The following HENMT1 variants were observed in gnomAD, a reference collection of about 807,000 sequenced individuals.
The protein encoded by HENMT1 is HEN methyltransferase 1, also known as small RNA 2'-O-methyltransferase.
A neutral mutation model predicts 31.1 loss-of-function variants in HENMT1; 27 were observed. The observed-to-expected ratio is 0.87, with a 90% CI of 0.64 to 1.20. The LOEUF (loss-of-function observed/expected upper bound fraction) is 1.20, where lower values mean the gene tolerates loss of function less well. HENMT1 is among the 50% of genes most tolerant of loss of function. The pLI is 0.00. For synonymous variants in HENMT1, 167 were observed against 172.2 expected, an observed-to-expected ratio of 0.97 and a Z score of 0.24; for missense variants, 438 against 469.6, an observed-to-expected ratio of 0.93 and a Z score of 0.62.
At chr1:108,650,663 C>T (rs1178793330) in intron 6 of HENMT1, among the ~76,000 whole-genome samples, 3 of 152,164 alleles carry the variant, frequency 2.0e-5, no homozygotes, top group African/African-American at 7.2e-5. Flanking sequence ...AAGTGCTCAA[C>T]CCAACTACCC....
Position 108,654,329 on chromosome 1 carries a change from C to T in HENMT1, c.398+387G>A, listed in dbSNP as rs2100998785. On this transcript the variant is annotated intron_variant, in intron 5 of 7. Transcript: ENST00000651461. The stretch of plus-strand genomic sequence containing the variant: ...AAGTCAAGTAGTGTGAGGCCTCCAA[C>T]TTTTAAACTGAATTTTTTAGTAGAG... 1.3e-5 allele frequency among the ~76,000 whole-genome samples: 2 copies of T among 152,138 alleles called. 1 individual carries two copies. Among genetic ancestry groups the T allele is most frequent in the Non-Finnish European group, 2.9e-5 (2 of 68,010 alleles).
At position 108,658,056 on chromosome 1, in the gene HENMT1, CACACAT is replaced by C. The variant is rs1424755822; in HGVS notation, c.22-483_22-478del. Among the ~76,000 whole-genome samples the C allele has an allele frequency of 4.7e-3, 636 of 135,798 alleles. 3 individuals are homozygous for C. Among genetic ancestry groups the C allele is most frequent in the African/African-American group, 0.017 (594 of 34,926 alleles). The allele number at this position is 135,798 out of a possible 152,430, so 89.1% of individuals were successfully genotyped here. On this transcript the variant is annotated intron_variant, in intron 2 of 7. Coordinates refer to ENST00000651461, the MANE Select transcript of HENMT1 (RefSeq NM_001102592.2). ...ACACACACATATATATACACACACACACACATATATATGTACACACACACACACACA... is the reference window on the plus strand; with the variant it reads ...ACACACACATATATATACACACACACATATATGTACACACACACACACACA...
intron 7 of HENMT1, 168 bp downstream of exon 7, chr1:108,650,043 G>A (rs532833333): frequency 2.8e-5 from 20 of 712,908 alleles, no homozygotes; most frequent in Middle Eastern, 2.3e-4. Context: ...AAAGGACACC[G>A]TAGGCTAACT....
intron 2 of HENMT1, among the ~76,000 whole-genome samples, chr1:108,657,973 A>G: frequency 6.9e-6 from 1 of 145,250 alleles, no homozygotes; most frequent in East Asian, 2.0e-4. Context: ...CTATATATAT[A>G]TACACACACA....
chr1:108,655,091 T>C (rs1477513782), intron 4 of HENMT1, among the ~76,000 whole-genome samples: 2 of 152,236 alleles, frequency 1.3e-5, no homozygotes, highest in Non-Finnish European at 2.9e-5. Context: ...TTGTTTTCAT[T>C]TGTAATACTT....
chr1:108,657,656 A>C (rs964776308), intron 2 of HENMT1, 77 bp from the exon 3 acceptor site: 12 of 1,434,514 alleles, frequency 8.4e-6, no homozygotes, highest in Non-Finnish European at 1.1e-5. Context: ...CAAAAAAAAA[A>C]AAACTTTATT....
chr1:108,655,341 G>T (rs1570635917), intron 4 of HENMT1, among the ~76,000 whole-genome samples: 1 of 152,110 alleles, frequency 6.6e-6, no homozygotes, highest in East Asian at 1.9e-4. Context: ...ATGAGATTTT[G>T]CTATCTGAAT....
chr1:108,648,346 C>A lies in HENMT1; in HGVS notation c.*220G>T. ...TTATTCTTGAGAAAACAAAAAAGTC[C>A]AAAATCAAAGGAAAGCACCCGTTTT... On this transcript the variant is annotated 3_prime_UTR_variant, in exon 8 of 8. Transcript: ENST00000651461. The A allele has an allele frequency of 5.7e-6, 3 of 526,814 alleles. No homozygotes were observed. Among genetic ancestry groups the A allele is most frequent in the South Asian group, 5.4e-5 (2 of 37,012 alleles). The allele number at this position is 526,814 out of a possible 1,614,324, so 32.6% of individuals were successfully genotyped here. A position where few individuals can be genotyped will look rare whatever the true frequency, so the allele number is the denominator to read the frequency against.
intron 5 of HENMT1, among the ~76,000 whole-genome samples, chr1:108,654,373 ACC>A: frequency 6.6e-6 from 1 of 152,200 alleles, no homozygotes; most frequent in Admixed American, 6.5e-5. Context: ...CCATGTGTAT[ACC>A]CTTAATTGAT....
rs1208833938 is a variant in HENMT1 at position 108,651,093 on chromosome 1, G to A, written c.515C>T (p.Pro172Leu). ...TPNSEFNPLF[P>L]SVTLRDSDHK... is the part of the protein sequence containing the mutation. ...ATCTGAATCTCTTAAGGTCACTGATGGAAACAGGGGATTGAATTCAGAGTT... is the reference window on the plus strand; with the variant it reads ...ATCTGAATCTCTTAAGGTCACTGATAGAAACAGGGGATTGAATTCAGAGTT... Residue 172 changes from proline to leucine, a missense_variant, in exon 6 of 8, where the codon CCA becomes CTA. Pro to Leu is a moderately conservative substitution (Grantham distance 98). Transcript: ENST00000651461. 6.2e-7 allele frequency: 1 copy of A among 1,613,778 alleles called. No individual in the cohort carries two copies. Among genetic ancestry groups the A allele is most frequent in the Non-Finnish European group, 8.5e-7 (1 of 1,179,788 alleles).
At position 108,648,560 on chromosome 1, in the gene HENMT1, C is replaced by T. The variant is rs775881833; in HGVS notation, c.*6G>A. 1 of 1,606,088 alleles carries T rather than the reference C, an allele frequency of 6.2e-7. No individual in the cohort carries two copies. Among genetic ancestry groups the T allele is most frequent in the Non-Finnish European group, 8.5e-7 (1 of 1,173,890 alleles). On this transcript the variant is annotated 3_prime_UTR_variant, in exon 8 of 8. Coordinates refer to ENST00000651461, the MANE Select transcript of HENMT1 (RefSeq NM_001102592.2). ...AGACCCTGAAATTTCAGGAAATAAA[C>T]ATGGTTCAAAACTCAAACTGTTCAT...
chr1:108,660,787 A>G (rs1274585650), intron 1 of HENMT1, among the ~76,000 whole-genome samples, 176 bp downstream of exon 1: 2 of 151,150 alleles, frequency 1.3e-5, no homozygotes, highest in African/African-American at 2.4e-5. Flanking sequence ...AGCCGGGCGT[A>G]GTGGCGGGCG....
chr1:108,659,756 G>C, intron 2 of HENMT1, 108 bp downstream of exon 2: 1 of 679,680 alleles, frequency 1.5e-6, no homozygotes, highest in Non-Finnish European at 2.6e-6. Context: ...CAACACCCCG[G>C]GAAATGCTAG....
At chr1:108,654,919 T>G in intron 4 of HENMT1, 69 bp from the exon 5 acceptor site, 1 of 1,459,304 alleles carries the variant, frequency 6.9e-7, no homozygotes, top group East Asian at 2.4e-5. Context: ...GCTACAGAAC[T>G]CAGATCCTCT....
intron 1 of HENMT1, among the ~76,000 whole-genome samples, 157 bp from the exon 2 acceptor site, chr1:108,660,119 C>T (rs1221561601): frequency 1.9e-5 from 1 of 52,968 alleles, no homozygotes; most frequent in Non-Finnish European, 3.8e-5. Flanking sequence ...CCTCTGAGTA[C>T]TCAAAAAAAA....
intron 3 of HENMT1, 62 bp from the exon 4 acceptor site, chr1:108,655,760 C>G (rs1454079396): frequency 1.8e-6 from 2 of 1,084,782 alleles, no homozygotes; most frequent in African/African-American, 3.2e-5. Flanking sequence ...TGATCAAAAA[C>G]TTTTTTTTGA....
At chr1:108,660,287 CG>C (rs1658410836) in intron 1 of HENMT1, among the ~76,000 whole-genome samples, 2 of 152,212 alleles carry the variant, frequency 1.3e-5, no homozygotes, top group African/African-American at 2.4e-5. Context: ...GCTCAGAAAG[CG>C]TAACTTTTCA....
chr1:108,650,151 A>G (rs1421919104), intron 7 of HENMT1, 60 bp downstream of exon 7: 3 of 1,508,858 alleles, frequency 2.0e-6, no homozygotes, highest in Non-Finnish European at 2.8e-6. Flanking sequence ...TACTCCCCAA[A>G]AAAGTTCACC....
At chr1:108,651,726 A>G (rs1006658024) in intron 5 of HENMT1, among the ~76,000 whole-genome samples, 7 of 150,542 alleles carry the variant, frequency 4.6e-5, no homozygotes, top group Non-Finnish European at 8.9e-5. Flanking sequence ...AAGAAAGAGA[A>G]AGAGAGAGAA....
Sources: gnomAD v4.1 joint callset for allele counts (sites outside exome capture counted in the v4.1 genomes callset) on GRCh38, gnomAD v4.1.1 for gene constraint, MANE v1.5 for transcripts, NCBI Gene and HGNC (gene_info 2026-07-23, HGNC 2026-07-21) for gene names.